Variants in PRAG1 observed in about 807,000 individuals in gnomAD.
PRAG1 encodes inactive tyrosine-protein kinase PRAG1.
A neutral mutation model predicts 95.6 loss-of-function variants in PRAG1; 110 were observed. That is an observed-to-expected ratio of 1.15 (90% CI 0.99 to 1.35). The LOEUF (loss-of-function observed/expected upper bound fraction) is 1.35, where lower values mean the gene tolerates loss of function less well. Ranked by LOEUF, PRAG1 falls within the 40% of genes most tolerant of loss-of-function variation. The pLI, the probability that PRAG1 is intolerant of heterozygous loss-of-function variation, is 0.00. For synonymous variants in PRAG1, 1,052 were observed against 819.4 expected (o/e 1.28, Z -4.85); for missense variants, 2,554 against 1,864.7 (o/e 1.37, Z -6.81).
intron 1 of PRAG1, among the ~76,000 whole-genome samples, chr8:8,382,915 G>A (rs1800731424): frequency 6.6e-6 from 1 of 152,166 alleles, no homozygotes; most frequent in African/African-American, 2.4e-5. Flanking sequence ...GCTCCTCCCT[G>A]CAGTGGTGAT....
chr8:8,384,600 C>T (rs1374230853), intron 1 of PRAG1, among the ~76,000 whole-genome samples: 1 of 132,036 alleles, frequency 7.6e-6, no homozygotes, highest in African/African-American at 3.0e-5. Context: ...TTTACCACCG[C>T]ATGCAGCCAA....
chr8:8,375,662 A>AT (rs1554512131), intron 3 of PRAG1, among the ~76,000 whole-genome samples: 1 of 152,028 alleles, frequency 6.6e-6, no homozygotes, highest in East Asian at 1.9e-4. Flanking sequence ...CTTTAAAAAA[A>AT]TTTTTTTTAA....
intron 4 of PRAG1, among the ~76,000 whole-genome samples, chr8:8,338,347 T>C (rs1163903390): frequency 6.6e-6 from 1 of 152,228 alleles, no homozygotes; most frequent in Non-Finnish European, 1.5e-5. Flanking sequence ...TGGTGACTGA[T>C]GGTTCATTGT....
rs768575005 is a variant in PRAG1, at chr8:8,377,709, A to G, written c.700T>C (p.Ser234Pro). ...GPGPLRESLP[S>P]EDDSDQRCSP... ...CACCTTTGATCACTGTCATCCTCCG[A>G]GGGCAGGGATTCCCGCAGGGGCCCA... The change falls in exon 3 of 6, where the codon TCG becomes CCG. Residue 234 changes from serine to proline, a missense_variant. Coordinates refer to ENST00000615670, the MANE Select transcript of PRAG1 (RefSeq NM_001080826.3). The G allele has an allele frequency of 8.1e-6, 13 of 1,613,774 alleles. No individual in the cohort carries two copies. The highest frequency in any genetic ancestry group is 1.0e-5 in the Non-Finnish European group (12 of 1,179,940).
rs369769327 is a variant in PRAG1 at position 8,328,177 on chromosome 8, C to A, written c.2605G>T (p.Gly869Trp). 1 of 1,614,148 alleles carries A rather than the reference C, an allele frequency of 6.2e-7. No individual in the cohort carries two copies. The highest frequency in any genetic ancestry group is 1.1e-5 in the South Asian group (1 of 91,060). The change falls in exon 5 of 6, where the codon GGG (glycine) becomes TGG (tryptophan). Residue 869 changes from glycine to tryptophan, a missense_variant. Physicochemically the swap from Gly to Trp is radical, Grantham distance 184 (BLOSUM62 -2). Transcript: ENST00000615670. ...ESHFSYSLSP[G>W]NRHHPVFSSS... is the part of the protein sequence containing the mutation. ...GAGAAGACAGGATGGTGGCGGTTCC[C>A]GGGGCTCAACGAATAGCTAAAGTGA...
intron 3 of PRAG1, among the ~76,000 whole-genome samples, chr8:8,366,957 G>C (rs1429811788): frequency 2.0e-5 from 3 of 152,092 alleles, no homozygotes; most frequent in Non-Finnish European, 2.9e-5. Flanking sequence ...ACAGGTATGA[G>C]CCACCGTGCC....
chr8:8,320,659 G>C (rs1798444104), intron 5 of PRAG1, among the ~76,000 whole-genome samples: 1 of 152,244 alleles, frequency 6.6e-6, no homozygotes, highest in Non-Finnish European at 1.5e-5. Flanking sequence ...GATGTGAGAA[G>C]AAAGGCATCT....
At chr8:8,337,461 G>T (rs1026132473) in intron 4 of PRAG1, among the ~76,000 whole-genome samples, 1 of 151,996 alleles carries the variant, frequency 6.6e-6, no homozygotes, top group African/African-American at 2.4e-5. Flanking sequence ...TTTAAAAGAT[G>T]TCAAAAAGAA....
At chr8:8,322,123 G>C (rs73184312) in intron 5 of PRAG1, among the ~76,000 whole-genome samples, 1 of 152,140 alleles carries the variant, frequency 6.6e-6, no homozygotes, top group Non-Finnish European at 1.5e-5. Context: ...AGGAACACTA[G>C]ACAGCACTTC....
At chr8:8,330,710 G>A (rs907358594) in intron 4 of PRAG1, among the ~76,000 whole-genome samples, 1 of 152,186 alleles carries the variant, frequency 6.6e-6, no homozygotes. Flanking sequence ...ATCTCAGCAG[G>A]TGCTGAAATC....
intron 5 of PRAG1, among the ~76,000 whole-genome samples, chr8:8,320,149 G>C (rs1798428989): frequency 6.6e-6 from 1 of 152,192 alleles, no homozygotes; most frequent in Non-Finnish European, 1.5e-5. Context: ...GCACAGTATG[G>C]ACAAATTCTC....
chr8:8,376,206 T>C (rs757464408), intron 3 of PRAG1, 41 bp downstream of exon 3: 2 of 1,585,552 alleles, frequency 1.3e-6, no homozygotes, highest in Admixed American at 3.4e-5. Context: ...GAAGAGCCCT[T>C]TGCCCTGCAG....
chr8:8,358,088 T>G (rs796925998), intron 3 of PRAG1, among the ~76,000 whole-genome samples: 3 of 152,342 alleles, frequency 2.0e-5, no homozygotes, highest in African/African-American at 7.2e-5. Flanking sequence ...AAGCCCAGGT[T>G]GTTTTATCTG....
chr8:8,381,924 A>C, intron 1 of PRAG1, 90 bp from the exon 2 acceptor site: 1 of 553,078 alleles, frequency 1.8e-6, no homozygotes, highest in Non-Finnish European at 3.2e-6. Flanking sequence ...TTGATCAGGG[A>C]GAAGGAGGAG....
intron 4 of PRAG1, among the ~76,000 whole-genome samples, chr8:8,336,835 A>T (rs968582179): frequency 1.3e-5 from 2 of 152,098 alleles, no homozygotes; most frequent in Non-Finnish European, 2.9e-5. Flanking sequence ...AAATGTAACA[A>T]AGTTAGAGAT....
chr8:8,323,977 C>A (rs1798549821), intron 5 of PRAG1, among the ~76,000 whole-genome samples: 1 of 152,198 alleles, frequency 6.6e-6, no homozygotes, highest in Non-Finnish European at 1.5e-5. Context: ...TATCTCAAAG[C>A]ATGTTTTCTC....
In PRAG1 at chr8:8,318,138, C is replaced by G. The variant is rs377561691; in HGVS notation, c.*16G>C. ...AGGCAGGGAAGGGGCAGCGACGGTG[C>G]AGGCTGGGGCTTGGCTCACAGAAGC... On this transcript the variant is annotated 3_prime_UTR_variant, in exon 6 of 6. Coordinates refer to ENST00000615670, the MANE Select transcript of PRAG1 (RefSeq NM_001080826.3). The surrounding 1 kb of genome is among the most constrained non-coding windows in gnomAD (Gnocchi z 4.2). 1.1e-5 allele frequency: 17 copies of G among 1,600,598 alleles called. No homozygotes were observed. The African/African-American group carries it at 2.1e-4, about 20-fold the overall frequency.
chr8:8,332,408 C>T (rs147147263), intron 4 of PRAG1, among the ~76,000 whole-genome samples: 2 of 152,276 alleles, frequency 1.3e-5, no homozygotes, highest in South Asian at 2.1e-4. Context: ...AGGTGATCCA[C>T]CCACCTCGGA....
Position 8,377,522 on chromosome 8 carries a change from C to T in PRAG1, c.887G>A (p.Gly296Glu). ...PTCWEQGKCS[G>E]PAEQEKRGPS... ...GCCCCGCTTCTCCTGCTCTGCGGGC[C>T]CGGAACACTTCCCCTGCTCCCAGCA... The change falls in exon 3 of 6, where the codon GGG (glycine) becomes GAG (glutamate). Residue 296 changes from glycine to glutamate, a missense_variant. Coordinates refer to ENST00000615670, the MANE Select transcript of PRAG1 (RefSeq NM_001080826.3). The T allele has an allele frequency of 6.3e-7, 1 of 1,577,674 alleles. No individual in the cohort carries two copies. The highest frequency in any genetic ancestry group is 8.6e-7 in the Non-Finnish European group (1 of 1,160,856).
Sources: allele counts gnomAD v4.1 joint callset (sites outside exome capture counted in the v4.1 genomes callset), GRCh38; gene constraint gnomAD v4.1.1; non-coding constraint Gnocchi (gnomAD v3.1); transcripts MANE v1.5; gene names NCBI Gene and HGNC (gene_info 2026-07-23, HGNC 2026-07-21).